Variants in MPP4 observed in about 807,000 individuals in gnomAD.
MPP4 encodes MAGUK p55 scaffold protein 4.
A neutral mutation model predicts 98.3 loss-of-function variants in MPP4; 91 were observed. The ratio of observed to expected loss-of-function variants is 0.93; its 90% confidence interval spans 0.78 to 1.10. The LOEUF (loss-of-function observed/expected upper bound fraction) is 1.10. MPP4 is among the 50% of genes least tolerant of loss of function. MPP4 has a pLI of 0.00. For missense variants in MPP4, 744 were observed against 792.9 expected (o/e 0.94, Z 0.74); for synonymous variants, 261 against 271.8 (o/e 0.96, Z 0.39).
chr2:201,651,914 C>G (rs535674165), intron 18 of MPP4: 2 of 616,780 alleles, frequency 3.2e-6, no homozygotes, highest in Non-Finnish European at 4.0e-6. Context: ...GATAACACCA[C>G]GGCACTCCAG....
chr2:201,654,084 A>C (rs1443766545), intron 18 of MPP4, among the ~76,000 whole-genome samples: 1 of 151,712 alleles, frequency 6.6e-6, no homozygotes, highest in Non-Finnish European at 1.5e-5. Flanking sequence ...TTAAGCGATT[A>C]TCTGTCTCAG....
chr2:201,646,920 C>T (rs1034546395), intron 21 of MPP4: 3 of 152,120 alleles, frequency 2.0e-5, no homozygotes, highest in East Asian at 1.9e-4. Context: ...ACACTTAAAA[C>T]GGTTAATATG....
At chr2:201,698,463 AAAC>A in intron 1 of MPP4, 121 bp downstream of exon 1, 1 of 655,416 alleles carries the variant, frequency 1.5e-6, no homozygotes, top group South Asian at 1.7e-5. Flanking sequence ...AGTTAAAATG[AAAC>A]TAAGCCATTT....
rs763245242 is a variant in MPP4, at chr2:201,645,269, G to C, written c.1855C>G (p.Gln619Glu). 3.7e-6 allele frequency: 6 copies of C among 1,613,786 alleles called. No homozygotes were observed. The highest frequency in any genetic ancestry group is 5.1e-6 in the Non-Finnish European group (6 of 1,179,844). ...AQLLSAIQKA[Q>E]EEPQWVPATW... ...GCTGGTACCCACTGAGGCTCCTCCT[G>C]AGCCTTCTGTATGGCAGACAACAAC... Residue 619 changes from glutamine (Q) to glutamate (E), a missense_variant, in exon 22 of 22, where the codon CAG (glutamine) becomes GAG (glutamate). By Grantham distance (29) the Gln-to-Glu change is conservative. Transcript: ENST00000409474.
rs1372658989 is a variant in MPP4, at chr2:201,685,827, A to G, written c.492+92T>C. The G allele has an allele frequency of 7.4e-6, 11 of 1,479,324 alleles. No individual in the cohort carries two copies. The East Asian group carries it at 2.6e-4, about 36-fold the overall frequency. The allele number at this position is 1,479,324 out of a possible 1,614,324, so 91.6% of individuals were successfully genotyped here. A position where few individuals can be genotyped will look rare whatever the true frequency, so the allele number is the denominator to read the frequency against. On this transcript the variant is annotated intron_variant, in intron 6 of 21. Coordinates refer to ENST00000409474, the MANE Select transcript of MPP4 (RefSeq NM_033066.3). ...TATCACTGTATATGTGATCGCAGGC[A>G]AGGCTACTGCCCAAGTAACCACTAG...
rs559674304 is a variant in MPP4 at position 201,670,681 on chromosome 2, T to A, written c.995-931A>T. Among the ~76,000 whole-genome samples, 37 of 152,174 alleles carry A rather than the reference T, an allele frequency of 2.4e-4. No homozygotes were observed. The South Asian group carries it at 2.5e-3, about 10-fold the overall frequency. ...ATGAAAGTTTGTTTTAAAAAAAAAA[T>A]TTTCAAAACGTGGAAGAAGTAACTA... On this transcript the variant is annotated intron_variant, in intron 11 of 21. Transcript: ENST00000409474.
intron 14 of MPP4, chr2:201,662,081 T>A (rs1478860543): frequency 2.6e-6 from 1 of 382,748 alleles, no homozygotes; most frequent in South Asian, 2.1e-5. Flanking sequence ...TCTCAATGCT[T>A]TCTTTTTTTA....
chr2:201,674,604 T>C (rs987313820), intron 11 of MPP4, among the ~76,000 whole-genome samples: 2 of 152,340 alleles, frequency 1.3e-5, no homozygotes, highest in South Asian at 2.1e-4. Flanking sequence ...GCTTTTAGCT[T>C]TCAAGCTGCC....
At chr2:201,669,353 T>C (rs1438871888) in intron 12 of MPP4, among the ~76,000 whole-genome samples, 3 of 152,200 alleles carry the variant, frequency 2.0e-5, no homozygotes, top group Admixed American at 2.0e-4. Flanking sequence ...TAATTTTCAC[T>C]ATAGTTTTAT....
chr2:201,646,309 T>G (rs923244198), intron 21 of MPP4, among the ~76,000 whole-genome samples: 2 of 152,186 alleles, frequency 1.3e-5, no homozygotes, highest in Non-Finnish European at 2.9e-5. Context: ...ACTTTCAACA[T>G]GAGGATGGTA....
intron 10 of MPP4, among the ~76,000 whole-genome samples, chr2:201,677,580 T>TAATA (rs909657150): frequency 1.3e-5 from 2 of 152,182 alleles, no homozygotes; most frequent in Non-Finnish European, 2.9e-5. Context: ...GTCACTCTTA[T>TAATA]AAAGAGTTTA....
Position 201,666,321 on chromosome 2 carries a change from G to A in MPP4, c.1051+13C>T. On this transcript the variant is annotated intron_variant, in intron 13 of 21. Coordinates refer to ENST00000409474, the MANE Select transcript of MPP4 (RefSeq NM_033066.3). ...TTTCTTCTAACAGCAAAGCAATCAA[G>A]AGAAAATGTTACCTGCTTCCACACA... The A allele has an allele frequency of 6.5e-7, 1 of 1,550,296 alleles. No individual in the cohort carries two copies. The highest frequency in any genetic ancestry group is 1.4e-5 in the African/African-American group (1 of 72,950).
chr2:201,649,358 C>T (rs1442397659), intron 20 of MPP4, among the ~76,000 whole-genome samples: 2 of 152,218 alleles, frequency 1.3e-5, no homozygotes, highest in Non-Finnish European at 1.5e-5. Context: ...ACCACTCAAT[C>T]AGTTCTGCTT....
chr2:201,647,854 T>G (rs1687609043), intron 20 of MPP4, 29 bp from the exon 21 acceptor site: 3 of 1,574,496 alleles, frequency 1.9e-6, no homozygotes, highest in East Asian at 2.3e-5. Context: ...TGCACATTTA[T>G]TTTTTGTTTG....
intron 1 of MPP4, 64 bp downstream of exon 1, chr2:201,698,523 G>A: frequency 2.4e-6 from 3 of 1,233,784 alleles, no homozygotes; most frequent in African/African-American, 1.6e-5. Context: ...AAAACTGACA[G>A]GCAAGCTAGG....
At chr2:201,668,580 C>A (rs2105926953) in intron 12 of MPP4, among the ~76,000 whole-genome samples, 1 of 152,224 alleles carries the variant, frequency 6.6e-6, no homozygotes, top group South Asian at 2.1e-4. Context: ...TGGCTGTCTG[C>A]AAGCCAGGAA....
At chr2:201,691,875 T>C (rs1479261559) in intron 3 of MPP4, among the ~76,000 whole-genome samples, 1 of 152,230 alleles carries the variant, frequency 6.6e-6, no homozygotes, top group African/African-American at 2.4e-5. Context: ...GTAGATATTT[T>C]ACTTTCTAAC....
At chr2:201,690,416 T>C in intron 3 of MPP4, 137 bp from the exon 4 acceptor site, 1 of 523,406 alleles carries the variant, frequency 1.9e-6, no homozygotes, top group Non-Finnish European at 3.4e-6. Context: ...TGGTGTTTAG[T>C]AAGTTGTGTC....
Position 201,685,107 on chromosome 2 carries a change from G to A in MPP4, c.531C>T (p.Ile177=). 6.2e-7 allele frequency: 1 copy of A among 1,612,348 alleles called. No homozygotes were observed. Among genetic ancestry groups the A allele is most frequent in the East Asian group, 2.2e-5 (1 of 44,850 alleles). ...CACCGTGGATGATCCTGGCCACCAA[G>A]ATGTCCCCTGTCATCTCGTGGCGCT... ...TIKRHEMTGD[I]LVARIIHGGL... The change falls in exon 7 of 22, where the codon ATC becomes ATT. Residue 177 remains isoleucine (I), a synonymous_variant. Coordinates refer to ENST00000409474, the MANE Select transcript of MPP4 (RefSeq NM_033066.3).
Sources: allele counts gnomAD v4.1 joint callset (sites outside exome capture counted in the v4.1 genomes callset), GRCh38; gene constraint gnomAD v4.1.1; transcripts MANE v1.5; gene names NCBI Gene and HGNC (gene_info 2026-07-23, HGNC 2026-07-21).